The following GRM2 variants were observed in gnomAD, a reference collection of about 807,000 sequenced individuals.
The protein encoded by GRM2 is glutamate metabotropic receptor 2.
In GRM2, 35 loss-of-function variants were observed where a neutral mutation model predicts 60.4. The observed-to-expected ratio is 0.58, with a 90% CI of 0.44 to 0.77. The LOEUF (loss-of-function observed/expected upper bound fraction) is 0.77, where lower values mean the gene tolerates loss of function less well. Among genes scored for constraint, GRM2 ranks in the 30% least tolerant of loss-of-function variants. GRM2 has a pLI of 0.00. For missense variants in GRM2, 925 were observed against 1,199.5 expected (o/e 0.77, Z 3.38); for synonymous variants, 437 against 484.1 (o/e 0.90, Z 1.28).
rs2107126810 is a variant in GRM2 at position 51,717,612 on chromosome 3, T to C, written c.2365-25T>C. On this transcript the variant is annotated intron_variant, in intron 4 of 5. Transcript: ENST00000395052. The surrounding 1 kb of genome is among the most constrained non-coding windows in gnomAD (Gnocchi z 6.0). ...GTCAGGCCCAGGTCTTGACCTGTGC[T>C]TGTTCACCCACTCACCCACCGCAGG... 1 of 1,603,466 alleles carries C rather than the reference T, an allele frequency of 6.2e-7. No individual in the cohort carries two copies. Among genetic ancestry groups the C allele is most frequent in the Non-Finnish European group, 8.5e-7 (1 of 1,173,400 alleles).
In GRM2 at chr3:51,707,136, C is replaced by CGCGCCAGAGCCA. The variant is rs1703539673; in HGVS notation, c.-167_-166insCGCCAGAGCCAG. 6.6e-6 allele frequency: 1 copy of CGCGCCAGAGCCA among 152,410 alleles called. No homozygotes were observed. The allele number at this position is 152,410 out of a possible 1,614,324, so 9.4% of individuals were successfully genotyped here. A position where few individuals can be genotyped will look rare whatever the true frequency, so the allele number is the denominator to read the frequency against. ...GAGCCTCGCGCCCCCCGCTCCACTC[C>CGCGCCAGAGCCA]GATTCTCTCCGCGCCAGAGCCAGCG... is the stretch of plus-strand genomic sequence containing the variant. On this transcript the variant is annotated 5_prime_UTR_variant, in exon 1 of 6. Transcript: ENST00000395052.
Position 51,716,441 on chromosome 3 carries a change from A to C in GRM2, c.2364+304A>C, listed in dbSNP as rs1703901011. Among the ~76,000 whole-genome samples the C allele has an allele frequency of 6.6e-6, 1 of 152,166 alleles. No individual in the cohort carries two copies. Among genetic ancestry groups the C allele is most frequent in the Non-Finnish European group, 1.5e-5 (1 of 68,024 alleles). The stretch of plus-strand genomic sequence containing the variant: ...AATGGACAGGGTTCTGCCCTGCTCC[A>C]CTGAGGGGTCATCTGCAGAAGGGGT... On this transcript the variant is annotated intron_variant, in intron 4 of 5. Transcript: ENST00000395052. The surrounding 1 kb of genome is among the most constrained non-coding windows in gnomAD (Gnocchi z 4.0).
In GRM2 at chr3:51,713,323, G is replaced by A. The variant is rs1185385099; in HGVS notation, c.1288+13G>A. ...GTCAAGTTTGATGGTAATGGTGTTG[G>A]CCAGTGTCCATTGGCCTGCTGGCTG... On this transcript the variant is annotated intron_variant, in intron 3 of 5. Transcript: ENST00000395052. The surrounding 1 kb of genome is among the most constrained non-coding windows in gnomAD (Gnocchi z 4.8). 6.4e-7 allele frequency: 1 copy of A among 1,561,356 alleles called. No individual in the cohort carries two copies. The highest frequency in any genetic ancestry group is 1.4e-5 in the African/African-American group (1 of 74,028).
Position 51,717,950 on chromosome 3 carries a change from G to T in GRM2, c.2546-89G>T. ...CAGGAGAGGACAGGAGAGGGGAGGG[G>T]AGGCTTCCCTCACAGCCCTGCTTCC... is the stretch of plus-strand genomic sequence containing the variant. On this transcript the variant is annotated intron_variant, in intron 5 of 5. Transcript: ENST00000395052. The surrounding 1 kb of genome is among the most constrained non-coding windows in gnomAD (Gnocchi z 6.0). The T allele has an allele frequency of 7.0e-7, 1 of 1,438,698 alleles. No homozygotes were observed. Among genetic ancestry groups the T allele is most frequent in the Non-Finnish European group, 9.8e-7 (1 of 1,020,432 alleles). 89.1% of individuals were successfully genotyped at this position (1,438,698 alleles called of 1,614,324 possible).
At chr3:51,708,562 TG>T in intron 1 of GRM2, 1 of 166,494 alleles carries the variant, frequency 6.0e-6, no homozygotes, top group South Asian at 1.8e-4. Flanking sequence ...CAGCATTGGC[TG>T]GGGTCTCCTG....
Position 51,709,238 on chromosome 3 carries a change from T to G in GRM2, c.255T>G (p.Gly85=), listed in dbSNP as rs752295101. Residue 85 remains glycine (G), a synonymous_variant, in exon 2 of 6, where the codon GGT becomes GGG. Transcript: ENST00000395052. ...DPHLLPGVRL[G]AHILDSCSKD... ...ACCTGCTGCCTGGCGTGCGCCTGGG[T>G]GCACACATCCTCGACAGTTGCTCCA... The G allele has an allele frequency of 5.0e-6, 8 of 1,607,590 alleles. No individual in the cohort carries two copies. The highest frequency in any genetic ancestry group is 1.7e-5 in the Admixed American group (1 of 59,938).
intron 3 of GRM2, chr3:51,714,105 C>A: frequency 2.7e-6 from 1 of 376,248 alleles, no homozygotes; most frequent in Non-Finnish European, 5.4e-6. Context: ...AGCCCTGGCC[C>A]AGGGTTAAGA....
chr3:51,712,685 T>C lies in GRM2; in HGVS notation c.663T>C (p.Ile221=), dbSNP rs1703755911. 1 of 1,613,914 alleles carries C rather than the reference T, an allele frequency of 6.2e-7. No homozygotes were observed. The highest frequency in any genetic ancestry group is 1.3e-5 in the African/African-American group (1 of 74,926). ...AGGGCGACTATGGCGAGACAGGCAT[T>C]GAGGCCTTTGAGCTAGAGGCTCGTG... ...ASEGDYGETG[I]EAFELEARAR... The change falls in exon 3 of 6, where the codon ATT becomes ATC. Residue 221 remains isoleucine (I), a synonymous_variant. Transcript: ENST00000395052. The surrounding 1 kb of genome is among the most constrained non-coding windows in gnomAD (Gnocchi z 5.3).
At chr3:51,708,440 G>A (rs965307532) in intron 1 of GRM2, 1 of 152,528 alleles carries the variant, frequency 6.6e-6, no homozygotes, top group Non-Finnish European at 1.5e-5. Flanking sequence ...CCAAGGCTCA[G>A]GATGGGGACC....
In GRM2 at chr3:51,716,309, G is replaced by A. The variant is rs116071356; in HGVS notation, c.2364+172G>A. 1.7e-3 allele frequency among the ~76,000 whole-genome samples: 260 copies of A among 152,306 alleles called. No homozygotes were observed. Among genetic ancestry groups the A allele is most frequent in the African/African-American group, 5.8e-3 (241 of 41,572 alleles). On this transcript the variant is annotated intron_variant, in intron 4 of 5. Coordinates refer to ENST00000395052, the MANE Select transcript of GRM2 (RefSeq NM_000839.5). This position sits in a 1 kb window ranked among gnomAD's most constrained non-coding sequence, Gnocchi z 4.0. ...GGTGGGAGGGCTGAATAGGACCTAG[G>A]GAAATGGCCAGGGAGGTGGGGAACT...
rs1035210000 is a variant in GRM2 at position 51,717,274 on chromosome 3, C to T, written c.2365-363C>T. Among the ~76,000 whole-genome samples, 2 of 152,134 alleles carry T rather than the reference C, an allele frequency of 1.3e-5. No individual in the cohort carries two copies. Among genetic ancestry groups the T allele is most frequent in the Non-Finnish European group, 2.9e-5 (2 of 68,018 alleles). Reference sequence around the variant, plus strand: ...CACCCTACACTCACGCACACATACACTCACGCAGACACCTGCAGAAATTCA... The same window carrying T: ...CACCCTACACTCACGCACACATACATTCACGCAGACACCTGCAGAAATTCA... On this transcript the variant is annotated intron_variant, in intron 4 of 5. Coordinates refer to ENST00000395052, the MANE Select transcript of GRM2 (RefSeq NM_000839.5). The surrounding 1 kb of genome is among the most constrained non-coding windows in gnomAD (Gnocchi z 6.0).
At chr3:51,714,134 G>A (rs1218675771) in intron 3 of GRM2, 2 of 334,296 alleles carry the variant, frequency 6.0e-6, no homozygotes, top group African/African-American at 4.3e-5. Context: ...ACTTCCAATA[G>A]AACTGACATT....
rs1166418690 is a variant in GRM2, at chr3:51,713,121, C to G, written c.1099C>G (p.Leu367Val). Reference sequence around the variant, plus strand: ...GCAGCGAGACTGCGCAGCCCACTCTCTCCGGGCTGTGCCCTTTGAGCAGGA... The same window carrying G: ...GCAGCGAGACTGCGCAGCCCACTCTGTCCGGGCTGTGCCCTTTGAGCAGGA... ...FRQRDCAAHS[L>V]RAVPFEQESK... Residue 367 changes from leucine to valine, a missense_variant, in exon 3 of 6, where the codon CTC (leucine) becomes GTC (valine). Leu to Val is a conservative substitution (Grantham distance 32). Coordinates refer to ENST00000395052, the MANE Select transcript of GRM2 (RefSeq NM_000839.5). This position sits in a 1 kb window ranked among gnomAD's most constrained non-coding sequence, Gnocchi z 4.8. 3 of 1,613,150 alleles carry G rather than the reference C, an allele frequency of 1.9e-6. No homozygotes were observed. The highest frequency in any genetic ancestry group is 2.5e-6 in the Non-Finnish European group (3 of 1,180,040).
chr3:51,715,050 C>T lies in GRM2; in HGVS notation c.1289-12C>T, dbSNP rs776000120. ...TAGTCCAACCTTCTCTTCCTTCCCT[C>T]CCCCATCCTAGCCCCCTTTCGCCCA... On this transcript the variant is annotated splice_polypyrimidine_tract_variant and intron_variant, in intron 3 of 5. Coordinates refer to ENST00000395052, the MANE Select transcript of GRM2 (RefSeq NM_000839.5). This position sits in a 1 kb window ranked among gnomAD's most constrained non-coding sequence, Gnocchi z 9.0. The T allele has an allele frequency of 2.0e-6, 3 of 1,506,104 alleles. No individual in the cohort carries two copies. Among genetic ancestry groups the T allele is most frequent in the Non-Finnish European group, 2.7e-6 (3 of 1,110,624 alleles). The allele number at this position is 1,506,104 out of a possible 1,614,324, so 93.3% of individuals were successfully genotyped here. A position where few individuals can be genotyped will look rare whatever the true frequency, so the allele number is the denominator to read the frequency against.
chr3:51,717,792 C>T lies in GRM2; in HGVS notation c.2520C>T (p.Ala840=). 6.2e-7 allele frequency: 1 copy of T among 1,614,018 alleles called. No individual in the cohort carries two copies. The highest frequency in any genetic ancestry group is 2.2e-5 in the East Asian group (1 of 44,888). The part of the protein sequence containing the change: ...APTSRFGSAA[A]RASSSLGQGS... Reference sequence around the variant, plus strand: ...CCAGCCGCTTTGGCAGTGCTGCTGCCAGGGCCAGCTCCAGCCTTGGCCAAG... The same window carrying T: ...CCAGCCGCTTTGGCAGTGCTGCTGCTAGGGCCAGCTCCAGCCTTGGCCAAG... Residue 840 remains alanine, a synonymous_variant, in exon 5 of 6, where the codon GCC becomes GCT. Coordinates refer to ENST00000395052, the MANE Select transcript of GRM2 (RefSeq NM_000839.5). This position sits in a 1 kb window ranked among gnomAD's most constrained non-coding sequence, Gnocchi z 6.0.
Position 51,709,004 on chromosome 3 carries a change from C to T in GRM2, c.21C>T (p.Leu7=), listed in dbSNP as rs776776869. MGSLLA[L]LALLLLWGAV... is the part of the protein sequence containing the mutation. ...GGGCCATGGGATCGCTGCTTGCGCT[C>T]CTGGCACTGCTGCTGCTGTGGGGTG... Residue 7 remains leucine, a synonymous_variant, in exon 2 of 6, where the codon CTC becomes CTT. Transcript: ENST00000395052. The T allele has an allele frequency of 8.1e-5, 128 of 1,586,742 alleles. No homozygotes were observed. The highest frequency in any genetic ancestry group is 1.1e-4 in the Non-Finnish European group (127 of 1,160,856).
chr3:51,710,290 G>A lies in GRM2; in HGVS notation c.450+857G>A, dbSNP rs1246395618. Among the ~76,000 whole-genome samples the A allele has an allele frequency of 5.9e-5, 9 of 152,150 alleles. No homozygotes were observed. The East Asian group carries it at 1.7e-3, about 29-fold the overall frequency. ...ATTATAGGCATGAGCCACTGTGCCC[G>A]GCCCACAACACTTTCTACTTTGAGG... is the stretch of plus-strand genomic sequence containing the variant. On this transcript the variant is annotated intron_variant, in intron 2 of 5. Coordinates refer to ENST00000395052, the MANE Select transcript of GRM2 (RefSeq NM_000839.5).
chr3:51,714,379 C>T (rs1703823367), intron 3 of GRM2: 2 of 153,862 alleles, frequency 1.3e-5, no homozygotes, highest in Non-Finnish European at 2.9e-5. Flanking sequence ...CTTCTGCTTT[C>T]TTGAACCCTG....
Position 51,718,009 on chromosome 3 carries a change from T to C in GRM2, c.2546-30T>C, listed in dbSNP as rs759543539. ...TGCCCTCCATGGAGGACCTCGGGAT[T>C]GGCCCCAACCTCTGGCTTCCTTTTC... On this transcript the variant is annotated intron_variant, in intron 5 of 5. Transcript: ENST00000395052. The surrounding 1 kb of genome is among the most constrained non-coding windows in gnomAD (Gnocchi z 4.2). The C allele has an allele frequency of 1.2e-6, 2 of 1,607,250 alleles. No individual in the cohort carries two copies. Among genetic ancestry groups the C allele is most frequent in the Non-Finnish European group, 1.7e-6 (2 of 1,173,782 alleles).
Sources: gnomAD v4.1 joint callset for allele counts (sites outside exome capture counted in the v4.1 genomes callset) on GRCh38, gnomAD v4.1.1 for gene constraint, Gnocchi (gnomAD v3.1) non-coding constraint, MANE v1.5 for transcripts, NCBI Gene and HGNC (gene_info 2026-07-23, HGNC 2026-07-21) for gene names.